The following KCNH6 variants were observed in gnomAD, a reference collection of about 807,000 sequenced individuals.
KCNH6 encodes the protein potassium voltage-gated channel subfamily H member 6, also known as voltage-gated inwardly rectifying potassium channel KCNH6.
KCNH6 carries 81 observed loss-of-function variants against 83.4 expected under a neutral mutation model. The observed-to-expected ratio is 0.97, with a 90% CI of 0.81 to 1.17. The LOEUF is 1.17. KCNH6 is among the 50% of genes most tolerant of loss of function. The probability of loss-of-function intolerance (pLI) is 0.00; values close to 1 mark genes in which losing one functional copy is unlikely to be tolerated. For synonymous variants in KCNH6, 503 were observed against 545.6 expected (o/e 0.92, Z 1.09); for missense variants, 1,203 against 1,290.5 (o/e 0.93, Z 1.04).
Position 63,545,762 on chromosome 17 carries a change from C to T in KCNH6, c.2737C>T (p.Leu913=), listed in dbSNP as rs951899355. 7 of 1,614,062 alleles carry T rather than the reference C, an allele frequency of 4.3e-6. No individual in the cohort carries two copies. The African/African-American group carries it at 9.3e-5, about 22-fold the overall frequency. The change falls in exon 13 of 13, where the codon CTA becomes TTA. Residue 913 remains leucine (L), a synonymous_variant. Transcript: ENST00000314672. ...GCTCTGGCCACCCCTAGCCTCACCTCTACATCCCCTGGAAGTACAAGGACT... is the reference window on the plus strand; with the variant it reads ...GCTCTGGCCACCCCTAGCCTCACCTTTACATCCCCTGGAAGTACAAGGACT... ...EGLWPPLASP[L]HPLEVQGLIC... is the part of the protein sequence containing the mutation.
At chr17:63,531,446 T>G (rs1046109131) in intron 4 of KCNH6, among the ~76,000 whole-genome samples, 1 of 152,216 alleles carries the variant, frequency 6.6e-6, no homozygotes, top group Non-Finnish European at 1.5e-5. Context: ...CAGGCCAAGG[T>G]TGAGCAATGC....
Position 63,523,554 on chromosome 17 carries a change from G to A in KCNH6, c.76+65G>A. 6.9e-7 allele frequency: 1 copy of A among 1,442,368 alleles called. No homozygotes were observed. The highest frequency in any genetic ancestry group is 9.5e-7 in the Non-Finnish European group (1 of 1,048,004). The allele number at this position is 1,442,368 out of a possible 1,614,324, so 89.3% of individuals were successfully genotyped here. A position where few individuals can be genotyped will look rare whatever the true frequency, so the allele number is the denominator to read the frequency against. Reference sequence around the variant, plus strand: ...TCCTGGTTCCGTGAAAGGGGGGGCTGGACCCCTTTACTAACTTCTAACCGG... The same window carrying A: ...TCCTGGTTCCGTGAAAGGGGGGGCTAGACCCCTTTACTAACTTCTAACCGG... On this transcript the variant is annotated intron_variant, in intron 1 of 12. Coordinates refer to ENST00000314672, the MANE Select transcript of KCNH6 (RefSeq NM_001278919.2). The surrounding 1 kb of genome is among the most constrained non-coding windows in gnomAD (Gnocchi z 4.2).
chr17:63,530,062 A>AC, intron 2 of KCNH6, 29 bp from the exon 3 acceptor site: 2 of 1,609,596 alleles, frequency 1.2e-6, no homozygotes, highest in South Asian at 1.1e-5. Context: ...TTCAGGGCCC[A>AC]CCCCCCATCC....
chr17:63,528,865 C>T (rs2031897080), intron 2 of KCNH6, among the ~76,000 whole-genome samples: 1 of 131,754 alleles, frequency 7.6e-6, no homozygotes, highest in African/African-American at 3.1e-5. Flanking sequence ...GACAGAGTCT[C>T]GCTCTGTCAC....
chr17:63,531,957 G>A (rs944014062), intron 4 of KCNH6, among the ~76,000 whole-genome samples: 5 of 152,202 alleles, frequency 3.3e-5, no homozygotes, highest in Admixed American at 3.3e-4. Context: ...ACCCAGATCA[G>A]GGAAGTCACA....
intron 6 of KCNH6, chr17:63,536,336 C>T (rs945110713): frequency 1.2e-5 from 6 of 487,004 alleles, no homozygotes; most frequent in African/African-American, 9.6e-5. Flanking sequence ...TTGTAGGGAC[C>T]CTTGTTTAAA....
At chr17:63,528,322 G>A (rs901010478) in intron 2 of KCNH6, among the ~76,000 whole-genome samples, 6 of 152,166 alleles carry the variant, frequency 3.9e-5, no homozygotes, top group Admixed American at 6.5e-5. Context: ...GCAGGCAGGC[G>A]CCTCTCCCCA....
At chr17:63,532,782 A>G (rs866248631) in intron 4 of KCNH6, among the ~76,000 whole-genome samples, 1 of 152,184 alleles carries the variant, frequency 6.6e-6, no homozygotes. Flanking sequence ...GAGGAGGTCC[A>G]TGGAACACCC....
chr17:63,536,238 A>T, intron 6 of KCNH6, 170 bp downstream of exon 6: 1 of 642,496 alleles, frequency 1.6e-6, no homozygotes. Flanking sequence ...CACCAAGTGT[A>T]TACAATATTT....
chr17:63,544,907 C>G (rs1327642236), intron 11 of KCNH6, among the ~76,000 whole-genome samples, 171 bp from the exon 12 acceptor site: 1 of 152,020 alleles, frequency 6.6e-6, no homozygotes, highest in Non-Finnish European at 1.5e-5. Flanking sequence ...CAGGGGTGTA[C>G]CAGGGGGATT....
At chr17:63,539,291 ATCC>A (rs969641085) in intron 8 of KCNH6, among the ~76,000 whole-genome samples, 2 of 152,002 alleles carry the variant, frequency 1.3e-5, no homozygotes, top group Admixed American at 6.6e-5. Flanking sequence ...TGACCTGGCT[ATCC>A]TCCAGCCCCT....
chr17:63,524,445 G>A (rs2031565323), intron 2 of KCNH6, 76 bp downstream of exon 2: 3 of 1,285,716 alleles, frequency 2.3e-6, no homozygotes, highest in Non-Finnish European at 3.3e-6. Flanking sequence ...TGGCCTTGGG[G>A]AAGGCACTGA....
chr17:63,547,995 G>C (rs1426293722), downstream of KCNH6, among the ~76,000 whole-genome samples: 1 of 151,276 alleles, frequency 6.6e-6, no homozygotes, highest in African/African-American at 2.4e-5. Context: ...GCTGGGCGCA[G>C]TGGCTCACAC....
intron 9 of KCNH6, among the ~76,000 whole-genome samples, 176 bp downstream of exon 9, chr17:63,542,610 T>A (rs1363622716): frequency 6.6e-6 from 1 of 152,240 alleles, no homozygotes; most frequent in Non-Finnish European, 1.5e-5. Flanking sequence ...AGCTACTATT[T>A]ATTAAGCAGT....
rs761520562 is a variant in KCNH6, at chr17:63,523,532, T to A, written c.76+43T>A. On this transcript the variant is annotated intron_variant, in intron 1 of 12. Transcript: ENST00000314672. This position sits in a 1 kb window ranked among gnomAD's most constrained non-coding sequence, Gnocchi z 4.2. ...GGGGCGGGGGGACGATCTGGAGTCC[T>A]GGTTCCGTGAAAGGGGGGGCTGGAC... 2 of 1,487,948 alleles carry A rather than the reference T, an allele frequency of 1.3e-6. No homozygotes were observed. The highest frequency in any genetic ancestry group is 1.8e-5 in the Admixed American group (1 of 56,876). 92.2% of individuals were successfully genotyped at this position (1,487,948 alleles called of 1,614,324 possible). A position where few individuals can be genotyped will look rare whatever the true frequency, so the allele number is the denominator to read the frequency against.
At chr17:63,539,299 G>A (rs980659175) in intron 8 of KCNH6, among the ~76,000 whole-genome samples, 1 of 152,048 alleles carries the variant, frequency 6.6e-6, no homozygotes, top group Non-Finnish European at 1.5e-5. Flanking sequence ...CTATCCTCCA[G>A]CCCCTCTGGA....
Position 63,530,562 on chromosome 17 carries a change from G to A in KCNH6, c.675+20G>A, listed in dbSNP as rs779971609. 6.2e-7 allele frequency: 1 copy of A among 1,612,162 alleles called. No individual in the cohort carries two copies. Among genetic ancestry groups the A allele is most frequent in the Non-Finnish European group, 8.5e-7 (1 of 1,178,640 alleles). ...ACCCAGGTGCGGGCCTGCAGAGCAG[G>A]GTGTGCAGAGCTGTGCCAGGCCTCC... is the stretch of plus-strand genomic sequence containing the variant. On this transcript the variant is annotated intron_variant, in intron 4 of 12. Coordinates refer to ENST00000314672, the MANE Select transcript of KCNH6 (RefSeq NM_001278919.2).
At position 63,534,985 on chromosome 17, in the gene KCNH6, C is replaced by T. The variant is rs974948380; in HGVS notation, c.1101+674C>T. Among the ~76,000 whole-genome samples the T allele has an allele frequency of 2.6e-5, 4 of 152,148 alleles. No homozygotes were observed. Among genetic ancestry groups the T allele is most frequent in the African/African-American group, 9.7e-5 (4 of 41,434 alleles). On this transcript the variant is annotated intron_variant, in intron 5 of 12. Transcript: ENST00000314672. This position sits in a 1 kb window ranked among gnomAD's most constrained non-coding sequence, Gnocchi z 5.0. The stretch of plus-strand genomic sequence containing the variant: ...GGACACTGAGTGGCCTTCGTACTCA[C>T]TTGTGTCCCATCACCAAACTTGCCA...
chr17:63,545,566 G>A (rs746203638), intron 12 of KCNH6, 43 bp from the exon 13 acceptor site: 71 of 1,577,204 alleles, frequency 4.5e-5, no homozygotes, highest in South Asian at 3.0e-4. Flanking sequence ...GGATTAACCC[G>A]CAGCCTGGCC....
Sources: gnomAD v4.1 joint callset for allele counts (sites outside exome capture counted in the v4.1 genomes callset) on GRCh38, gnomAD v4.1.1 for gene constraint, Gnocchi (gnomAD v3.1) non-coding constraint, MANE v1.5 for transcripts, NCBI Gene and HGNC (gene_info 2026-07-23, HGNC 2026-07-21) for gene names.